Variants in GRM5 observed in about 807,000 individuals in gnomAD.
GRM5 encodes the protein glutamate metabotropic receptor 5.
GRM5 carries 19 observed loss-of-function variants against 83.1 expected under a neutral mutation model. The observed-to-expected ratio is 0.23, with a 90% CI of 0.16 to 0.34. The LOEUF (loss-of-function observed/expected upper bound fraction) is 0.34. Among genes scored for constraint, GRM5 ranks in the 10% least tolerant of loss-of-function variants. GRM5 has a pLI of 1.00. For missense variants in GRM5, 1,160 were observed against 1,588.3 expected (o/e 0.73, Z 4.58); for synonymous variants, 675 against 633.6 (o/e 1.07, Z -0.98).
At chr11:89,026,037 C>T (rs1451759867) in intron 2 of GRM5, among the ~76,000 whole-genome samples, 1 of 152,180 alleles carries the variant, frequency 6.6e-6, no homozygotes, top group Non-Finnish European at 1.5e-5. Context: ...TTTGGCAACA[C>T]ACATTTTCTA....
At chr11:88,687,955 C>A (rs1353823333) in intron 3 of GRM5, among the ~76,000 whole-genome samples, 7 of 151,978 alleles carry the variant, frequency 4.6e-5, no homozygotes, top group African/African-American at 7.3e-5. Flanking sequence ...TCTGAAGTCC[C>A]AAATATTTAA....
rs192619896 is a variant in GRM5 at position 89,017,143 on chromosome 11, C to T, written c.661+30069G>A. On this transcript the variant is annotated intron_variant, in intron 2 of 9. Coordinates refer to ENST00000305447, the MANE Select transcript of GRM5 (RefSeq NM_001143831.3). Reference sequence around the variant, plus strand: ...ATAAACTATATATAAACTAAGCAAACGTTTGACTCCACTAAAAATATGAAA... The same window carrying T: ...ATAAACTATATATAAACTAAGCAAATGTTTGACTCCACTAAAAATATGAAA... 1.1e-4 allele frequency among the ~76,000 whole-genome samples: 17 copies of T among 152,158 alleles called. No individual in the cohort carries two copies. The East Asian group carries it at 1.9e-3, about 17-fold the overall frequency.
intron 3 of GRM5, among the ~76,000 whole-genome samples, chr11:88,838,108 A>T (rs1318760715): frequency 6.7e-6 from 1 of 150,240 alleles, no homozygotes; most frequent in African/African-American, 2.4e-5. Flanking sequence ...AAAAAAAAAA[A>T]AGATATAAGT....
intron 3 of GRM5, among the ~76,000 whole-genome samples, chr11:88,817,173 A>G (rs140585373): frequency 7.2e-4 from 109 of 152,282 alleles, no homozygotes; most frequent in Middle Eastern, 3.4e-3. Flanking sequence ...TAGTGGTAAA[A>G]TATCTTCAAA....
intron 3 of GRM5, among the ~76,000 whole-genome samples, chr11:88,758,060 CAAAT>C (rs1160785097): frequency 6.6e-6 from 1 of 152,072 alleles, no homozygotes; most frequent in Non-Finnish European, 1.5e-5. Context: ...ATCAAATCCT[CAAAT>C]AAAAATAACA....
intron 3 of GRM5, among the ~76,000 whole-genome samples, 177 bp downstream of exon 3, chr11:88,849,729 G>A (rs564650482): frequency 5.3e-5 from 8 of 152,022 alleles, no homozygotes; most frequent in East Asian, 1.9e-4. Context: ...AGCACATGGC[G>A]GATCTACTTA....
intron 2 of GRM5, among the ~76,000 whole-genome samples, chr11:89,009,464 A>G (rs1393973371): frequency 6.6e-6 from 1 of 152,204 alleles, no homozygotes; most frequent in Non-Finnish European, 1.5e-5. Context: ...AAGATTATCA[A>G]GTTAACAGAT....
At chr11:88,537,285 C>T (rs1446136366) in intron 8 of GRM5, among the ~76,000 whole-genome samples, 1 of 151,822 alleles carries the variant, frequency 6.6e-6, no homozygotes, top group Non-Finnish European at 1.5e-5. Flanking sequence ...CTCTGGGCCC[C>T]TTGTTAACAT....
At chr11:88,522,603 C>CTCTCTCTCTCTCTCTG (rs1206475339) in intron 9 of GRM5, among the ~76,000 whole-genome samples, 16 of 127,216 alleles carry the variant, frequency 1.3e-4, no homozygotes, top group African/African-American at 4.6e-4. Context: ...CTCTCTCTCT[C>CTCTCTCTCTCTCTCTG]TGTGTGTGTG....
At chr11:88,906,482 T>C (rs529052954) in intron 2 of GRM5, among the ~76,000 whole-genome samples, 1 of 152,284 alleles carries the variant, frequency 6.6e-6, no homozygotes, top group East Asian at 1.9e-4. Flanking sequence ...AAAAAAAAGT[T>C]CAAAAGCCCT....
At chr11:88,588,618 G>C (rs1937592854) in intron 7 of GRM5, among the ~76,000 whole-genome samples, 1 of 152,110 alleles carries the variant, frequency 6.6e-6, no homozygotes, top group African/African-American at 2.4e-5. Context: ...GTTATTATTT[G>C]CTAAATATTT....
At chr11:88,993,231 A>G (rs1203993358) in intron 2 of GRM5, among the ~76,000 whole-genome samples, 1 of 135,218 alleles carries the variant, frequency 7.4e-6, no homozygotes, top group Non-Finnish European at 1.5e-5. Flanking sequence ...GTGCCACTGC[A>G]CTCCAGCCTG....
intron 4 of GRM5, among the ~76,000 whole-genome samples, chr11:88,649,366 A>G (rs1939567521): frequency 1.4e-5 from 2 of 141,320 alleles, no homozygotes; most frequent in South Asian, 2.1e-4. Flanking sequence ...AATATATTAA[A>G]TATTACATAT....
At chr11:88,763,555 TG>T (rs34477757) in intron 3 of GRM5, among the ~76,000 whole-genome samples, 74,916 of 151,584 alleles carry the variant, frequency 0.49, 22,467 homozygotes, top group Non-Finnish European at 0.7. Context: ...TTAGCATATG[TG>T]TTTGGGCTCA....
At chr11:88,696,023 C>T (rs1375458182) in intron 3 of GRM5, among the ~76,000 whole-genome samples, 5 of 152,138 alleles carry the variant, frequency 3.3e-5, no homozygotes, top group Admixed American at 3.3e-4. Context: ...TTTCTGTATC[C>T]TGGATTCTTG....
At chr11:88,819,155 A>T (rs552764159) in intron 3 of GRM5, among the ~76,000 whole-genome samples, 1 of 152,348 alleles carries the variant, frequency 6.6e-6, no homozygotes, top group East Asian at 1.9e-4. Flanking sequence ...TGGAAAGAGC[A>T]TAGGTCTTGG....
intron 5 of GRM5, 27 bp downstream of exon 5, chr11:88,604,691 C>G (rs2306154): frequency 0.011 from 16,898 of 1,585,418 alleles, 470 homozygotes; most frequent in African/African-American, 0.095. Context: ...AGTCTCTACT[C>G]TGCAGAGGAG....
chr11:88,778,694 A>G (rs1942912646), intron 3 of GRM5, among the ~76,000 whole-genome samples: 1 of 152,232 alleles, frequency 6.6e-6, no homozygotes, highest in African/African-American at 2.4e-5. Flanking sequence ...ACATTGGTCT[A>G]GTCTAAGTTG....
intron 3 of GRM5, among the ~76,000 whole-genome samples, chr11:88,761,244 A>C (rs2135438493): frequency 6.6e-6 from 1 of 152,284 alleles, no homozygotes; most frequent in South Asian, 2.1e-4. Context: ...CCAAGTAGGA[A>C]GAGAGGAAGT....
Sources: gnomAD v4.1 joint callset for allele counts (sites outside exome capture counted in the v4.1 genomes callset) on GRCh38, gnomAD v4.1.1 for gene constraint, MANE v1.5 for transcripts, NCBI Gene and HGNC (gene_info 2026-07-23, HGNC 2026-07-21) for gene names.